The following AUTS2 variants were observed in gnomAD, a reference collection of about 807,000 sequenced individuals.
The protein encoded by AUTS2 is autism susceptibility gene 2 protein.
A neutral mutation model predicts 112.4 loss-of-function variants in AUTS2; 17 were observed. The ratio of observed to expected loss-of-function variants is 0.15; its 90% CI spans 0.10 to 0.23. The LOEUF (loss-of-function observed/expected upper bound fraction) is 0.23, where lower values mean the gene tolerates loss of function less well. AUTS2 is among the 10% of genes least tolerant of loss of function. AUTS2 has a pLI of 1.00. For missense variants in AUTS2, 1,510 were observed against 1,701.6 expected, an observed-to-expected ratio of 0.89 and a Z score of 1.98; for synonymous variants, 751 against 702.7, an observed-to-expected ratio of 1.07 and a Z score of -1.09.
At chr7:70,181,258 C>G (rs919154356) in intron 4 of AUTS2, among the ~76,000 whole-genome samples, 1 of 152,150 alleles carries the variant, frequency 6.6e-6, no homozygotes, top group African/African-American at 2.4e-5. Flanking sequence ...CATGCTTGTA[C>G]AGATCTCCTT....
intron 12 of AUTS2, 100 bp from the exon 13 acceptor site, chr7:70,775,257 C>T: frequency 3.9e-6 from 4 of 1,018,848 alleles, no homozygotes; most frequent in Admixed American, 2.1e-5. Context: ...AAAATTCTAA[C>T]ATTTTAATTT....
intron 2 of AUTS2, among the ~76,000 whole-genome samples, chr7:69,918,151 ATTTTTAAACT>A (rs1391585403): frequency 6.6e-6 from 1 of 152,132 alleles, no homozygotes; most frequent in Non-Finnish European, 1.5e-5. Flanking sequence ...CCAAGGACAC[ATTTTTAAACT>A]AAGAAAATGT....
At chr7:69,685,965 A>G (rs1254237859) in intron 1 of AUTS2, among the ~76,000 whole-genome samples, 1 of 152,130 alleles carries the variant, frequency 6.6e-6, no homozygotes, top group Non-Finnish European at 1.5e-5. Flanking sequence ...GAAAACATGA[A>G]GGCCGTGTGG....
chr7:70,636,793 T>C (rs1271062034), intron 5 of AUTS2, among the ~76,000 whole-genome samples: 1 of 151,920 alleles, frequency 6.6e-6, no homozygotes, highest in Non-Finnish European at 1.5e-5. Flanking sequence ...ACTACAGGCA[T>C]GCACTACCAT....
intron 2 of AUTS2, among the ~76,000 whole-genome samples, chr7:70,040,097 A>G (rs1801180704): frequency 6.6e-6 from 1 of 152,196 alleles, no homozygotes; most frequent in Non-Finnish European, 1.5e-5. Flanking sequence ...CAGAGTGGAG[A>G]GGATTTTTAG....
At chr7:70,396,308 T>C (rs1161892459) in intron 4 of AUTS2, among the ~76,000 whole-genome samples, 2 of 152,136 alleles carry the variant, frequency 1.3e-5, no homozygotes, top group Non-Finnish European at 2.9e-5. Flanking sequence ...ATGTTTAGAG[T>C]ATTATATAAC....
At chr7:69,680,630 A>G (rs1477290222) in intron 1 of AUTS2, among the ~76,000 whole-genome samples, 1 of 152,136 alleles carries the variant, frequency 6.6e-6, no homozygotes, top group Admixed American at 6.5e-5. Flanking sequence ...GCCCCTGGTA[A>G]GCACCATTCT....
intron 4 of AUTS2, among the ~76,000 whole-genome samples, chr7:70,359,546 G>A (rs1171613730): frequency 6.6e-6 from 1 of 152,154 alleles, no homozygotes; most frequent in Non-Finnish European, 1.5e-5. Context: ...CAAAGGGGAA[G>A]TGGACACGGG....
chr7:70,554,996 G>T (rs144340212), intron 5 of AUTS2, among the ~76,000 whole-genome samples: 1 of 152,344 alleles, frequency 6.6e-6, no homozygotes, highest in African/African-American at 2.4e-5. Context: ...TATTCCCTGG[G>T]TTCCTGTTCT....
At chr7:70,570,698 A>G (rs1801902344) in intron 5 of AUTS2, among the ~76,000 whole-genome samples, 1 of 151,902 alleles carries the variant, frequency 6.6e-6, no homozygotes, top group African/African-American at 2.4e-5. Flanking sequence ...TTCTTTTTCC[A>G]GGTTATACTC....
rs528776025 is a variant in AUTS2, at chr7:70,145,052, A to G, written c.660+10481A>G. 3.9e-5 allele frequency among the ~76,000 whole-genome samples: 6 copies of G among 152,196 alleles called. No homozygotes were observed. In the South Asian group the frequency reaches 1.0e-3, roughly 26 times the overall value. ...CTGGTGAAGATCATCAAGTGCTACAACTGTCTTTGTGGCAGTTAAATTTCA... is the reference window on the plus strand; with the variant it reads ...CTGGTGAAGATCATCAAGTGCTACAGCTGTCTTTGTGGCAGTTAAATTTCA... On this transcript the variant is annotated intron_variant, in intron 4 of 18. Transcript: ENST00000342771.
At chr7:70,219,848 G>A (rs1037297418) in intron 4 of AUTS2, among the ~76,000 whole-genome samples, 2 of 152,094 alleles carry the variant, frequency 1.3e-5, no homozygotes, top group African/African-American at 4.8e-5. Context: ...GGGATTACAG[G>A]TGTGAGCCAC....
At chr7:70,318,653 G>T (rs1380480532) in intron 4 of AUTS2, among the ~76,000 whole-genome samples, 1 of 152,204 alleles carries the variant, frequency 6.6e-6, no homozygotes, top group Admixed American at 6.5e-5. Flanking sequence ...AGCAGTGTGG[G>T]TGTTGAGACC....
chr7:69,888,540 G>GATATATATATATAT (rs60804022), intron 1 of AUTS2, among the ~76,000 whole-genome samples: 1,118 of 99,028 alleles, frequency 0.011, 11 homozygotes, highest in African/African-American at 0.018. Context: ...CAACATTGGG[G>GATATATATATATAT]ATATATATAT....
intron 4 of AUTS2, among the ~76,000 whole-genome samples, chr7:70,238,014 G>A (rs1812415913): frequency 6.6e-6 from 1 of 152,106 alleles, no homozygotes. Flanking sequence ...AAGTCCCAAA[G>A]AGAACTTATT....
intron 4 of AUTS2, among the ~76,000 whole-genome samples, chr7:70,428,824 A>G (rs1443435120): frequency 6.6e-6 from 1 of 152,224 alleles, no homozygotes; most frequent in African/African-American, 2.4e-5. Flanking sequence ...TTCCATCACA[A>G]GGTACCTAGA....
intron 4 of AUTS2, among the ~76,000 whole-genome samples, chr7:70,339,420 T>C (rs1160505279): frequency 2.0e-5 from 3 of 152,216 alleles, no homozygotes; most frequent in Admixed American, 1.3e-4. Context: ...GAAATATAAG[T>C]AATACTCTCT....
At chr7:69,950,426 T>C (rs1403069995) in intron 2 of AUTS2, among the ~76,000 whole-genome samples, 1 of 152,186 alleles carries the variant, frequency 6.6e-6, no homozygotes, top group East Asian at 1.9e-4. Context: ...ATATTTAATT[T>C]TTTTCAACAT....
Position 70,586,507 on chromosome 7 carries a change from G to T in AUTS2, c.691-112062G>T, listed in dbSNP as rs914017676. Among the ~76,000 whole-genome samples, 4 of 152,150 alleles carry T rather than the reference G, an allele frequency of 2.6e-5. 1 individual carries two copies. The Middle Eastern group carries it at 9.5e-3, about 361-fold the overall frequency. On this transcript the variant is annotated intron_variant, in intron 5 of 18. Coordinates refer to ENST00000342771, the MANE Select transcript of AUTS2 (RefSeq NM_015570.4). ...AAGGAAGGGAAGGATTCTATTTAGG[G>T]TTAAACATCTCAAGAATTGCTCCAG...
Sources: gnomAD v4.1 joint callset for allele counts (sites outside exome capture counted in the v4.1 genomes callset) on GRCh38, gnomAD v4.1.1 for gene constraint, MANE v1.5 for transcripts, NCBI Gene and HGNC (gene_info 2026-07-23, HGNC 2026-07-21) for gene names.